The following MARCHF8 variants were observed in gnomAD, a reference collection of about 807,000 sequenced individuals.
The protein encoded by MARCHF8 is membrane associated ring-CH-type finger 8.
Under a neutral mutation model 51.6 loss-of-function variants are expected in MARCHF8, and 40 were observed. The ratio of observed to expected loss-of-function variants is 0.77; its 90% CI spans 0.60 to 1.01. The LOEUF is 1.01. Ranked by LOEUF, MARCHF8 falls within the 50% of genes least tolerant of loss-of-function variation. MARCHF8 has a pLI of 0.00. For missense variants in MARCHF8, 685 were observed against 708.6 expected (o/e 0.97, Z 0.38); for synonymous variants, 263 against 280.3 (o/e 0.94, Z 0.62).
chr10:45,476,518 T>C (rs577657022), intron 3 of MARCHF8, among the ~76,000 whole-genome samples: 33 of 152,322 alleles, frequency 2.2e-4, no homozygotes, highest in Middle Eastern at 3.4e-3. Context: ...CAGTTAGCTA[T>C]GATCGCACCA....
intron 1 of MARCHF8, among the ~76,000 whole-genome samples, chr10:45,546,402 A>G (rs1208717384): frequency 6.6e-6 from 1 of 152,050 alleles, no homozygotes; most frequent in East Asian, 1.9e-4. Context: ...ACCTCAGGCA[A>G]TCCGCCCGCC....
At chr10:45,504,509 T>A (rs901978647) in intron 2 of MARCHF8, among the ~76,000 whole-genome samples, 13 of 152,206 alleles carry the variant, frequency 8.5e-5, no homozygotes, top group Non-Finnish European at 1.6e-4. Context: ...CACCTTGTTT[T>A]TTCTCCAGTG....
intron 1 of MARCHF8, among the ~76,000 whole-genome samples, chr10:45,555,756 A>G (rs2044245585): frequency 6.7e-6 from 1 of 149,758 alleles, no homozygotes; most frequent in South Asian, 2.1e-4. Flanking sequence ...AAAAAAAAAA[A>G]AAGAAAAAGA....
intron 1 of MARCHF8, among the ~76,000 whole-genome samples, chr10:45,576,075 G>C (rs1365138606): frequency 6.6e-6 from 1 of 152,172 alleles, no homozygotes; most frequent in African/African-American, 2.4e-5. Flanking sequence ...TCTTCACAGG[G>C]ACATGAGTGA....
chr10:45,468,446 C>T (rs1430380833), intron 3 of MARCHF8, among the ~76,000 whole-genome samples: 1 of 152,210 alleles, frequency 6.6e-6, no homozygotes, highest in African/African-American at 2.4e-5. Flanking sequence ...TGTGCAACCC[C>T]CAACTGGGCC....
At chr10:45,474,692 G>C (rs1706284876) in intron 3 of MARCHF8, among the ~76,000 whole-genome samples, 1 of 152,208 alleles carries the variant, frequency 6.6e-6, no homozygotes, top group Non-Finnish European at 1.5e-5. Flanking sequence ...GGAAGAATCA[G>C]ACTTTGAATA....
chr10:45,484,825 C>A (rs1289303040), intron 3 of MARCHF8, among the ~76,000 whole-genome samples: 1 of 152,144 alleles, frequency 6.6e-6, no homozygotes, highest in Non-Finnish European at 1.5e-5. Context: ...AAGGTAGACA[C>A]CATACCTAGA....
chr10:45,464,396 T>C (rs1239734275), intron 3 of MARCHF8, 69 bp from the exon 4 acceptor site: 6 of 1,300,122 alleles, frequency 4.6e-6, no homozygotes, highest in Non-Finnish European at 5.6e-6. Context: ...GTCTCCTGAA[T>C]GGTGACAGGG....
chr10:45,565,867 T>C (rs2044358525), intron 1 of MARCHF8, among the ~76,000 whole-genome samples: 1 of 152,242 alleles, frequency 6.6e-6, no homozygotes, highest in African/African-American at 2.4e-5. Context: ...TCTTGTTTTA[T>C]ATGTGTTTTT....
intron 2 of MARCHF8, among the ~76,000 whole-genome samples, chr10:45,529,245 T>C (rs73287387): frequency 0.025 from 3,756 of 152,268 alleles, 159 homozygotes; most frequent in African/African-American, 0.085. Context: ...CTTGGGAGAA[T>C]TGGGTAACCA....
intron 2 of MARCHF8, among the ~76,000 whole-genome samples, chr10:45,508,336 A>G (rs868324659): frequency 3.4e-4 from 51 of 149,228 alleles, no homozygotes; most frequent in African/African-American, 1.1e-3. Flanking sequence ...TTCACAGTAA[A>G]AAAAAAAAAA....
At chr10:45,540,964 G>A (rs1269475743) in intron 1 of MARCHF8, among the ~76,000 whole-genome samples, 1 of 152,210 alleles carries the variant, frequency 6.6e-6, no homozygotes, top group Non-Finnish European at 1.5e-5. Context: ...CTTTTACACT[G>A]TTGGTGGGAC....
chr10:45,549,906 G>A (rs1435804431), intron 1 of MARCHF8, among the ~76,000 whole-genome samples: 1 of 152,188 alleles, frequency 6.6e-6, no homozygotes, highest in Non-Finnish European at 1.5e-5. Flanking sequence ...TTCCCAGGCT[G>A]CAGAACTGTA....
chr10:45,544,249 A>G lies in MARCHF8; in HGVS notation c.-78-10960T>C, dbSNP rs118136708. On this transcript the variant is annotated intron_variant, in intron 1 of 6. Transcript: ENST00000319836. ...CTAATTGTTTGATATAGAAAAAATT[A>G]GATCTCTCATGTATTGCTGGTGAGA... is the stretch of plus-strand genomic sequence containing the variant. Among the ~76,000 whole-genome samples, 65 of 152,378 alleles carry G rather than the reference A, an allele frequency of 4.3e-4. No homozygotes were observed. The East Asian group carries it at 0.012, about 28-fold the overall frequency.
At position 45,455,496 on chromosome 10, in the gene MARCHF8, TA is replaced by T. The variant is rs1842572939; in HGVS notation, c.*2742del. The T allele has an allele frequency of 6.6e-6, 1 of 150,590 alleles. No individual in the cohort carries two copies. The highest frequency in any genetic ancestry group is 2.0e-4 in the East Asian group (1 of 5,094). 9.3% of individuals were successfully genotyped at this position (150,590 alleles called of 1,614,324 possible). A position where few individuals can be genotyped will look rare whatever the true frequency, so the allele number is the denominator to read the frequency against. ...CCTGAGACCTCATTCTGGGTTTCTATATGGGTCAACCAAATGCCATCCTTTC... is the reference window on the plus strand; with the variant it reads ...CCTGAGACCTCATTCTGGGTTTCTATTGGGTCAACCAAATGCCATCCTTTC... On this transcript the variant is annotated 3_prime_UTR_variant, in exon 8 of 8. Transcript: ENST00000453424.
intron 1 of MARCHF8, among the ~76,000 whole-genome samples, chr10:45,592,042 G>A (rs907639268): frequency 6.6e-6 from 1 of 152,060 alleles, no homozygotes; most frequent in Non-Finnish European, 1.5e-5. Context: ...TCCTCTATCA[G>A]AAATTAGCAC....
rs550733048 is a variant in MARCHF8, at chr10:45,587,158, G to A, written c.-79+7077C>T. Among the ~76,000 whole-genome samples the A allele has an allele frequency of 3.9e-4, 59 of 152,192 alleles. 3 individuals are homozygous for A. The highest frequency in any genetic ancestry group is 3.4e-3 in the Middle Eastern group (1 of 294). Reference sequence around the variant, plus strand: ...AAAGCACATGAGTGGAAAGGAAGACGTAAAACTGTCTTTATTCAATGACTG... The same window carrying A: ...AAAGCACATGAGTGGAAAGGAAGACATAAAACTGTCTTTATTCAATGACTG... On this transcript the variant is annotated intron_variant, in intron 1 of 6. Coordinates refer to the MARCHF8 transcript ENST00000319836.
intron 1 of MARCHF8, among the ~76,000 whole-genome samples, chr10:45,575,285 C>T (rs1277497465): frequency 2.0e-5 from 3 of 152,172 alleles, no homozygotes; most frequent in Non-Finnish European, 4.4e-5. Context: ...GCCACTCCCA[C>T]CTACTCCCCC....
chr10:45,463,814 G>C lies in MARCHF8; in HGVS notation c.425C>G (p.Pro142Arg). The change falls in exon 5 of 8, where the codon CCT becomes CGT. Residue 142 changes from proline to arginine, a missense_variant. Pro to Arg is a moderately radical substitution (Grantham distance 103). Coordinates refer to ENST00000453424, the MANE Select transcript of MARCHF8 (RefSeq NM_001282866.2). Reference protein sequence around the residue: ...FGSEWAQALKPAKNTKARRTL... With the variant: ...FGSEWAQALKRAKNTKARRTL... ...TCTTCTGGCTTTGGTATTCTTAGCA[G>C]GCTTCAAGGCCTGGGCCCATTCTGA... The C allele has an allele frequency of 6.5e-7, 1 of 1,548,582 alleles. No homozygotes were observed. The highest frequency in any genetic ancestry group is 8.7e-7 in the Non-Finnish European group (1 of 1,147,076).
Sources: gnomAD v4.1 joint callset for allele counts (sites outside exome capture counted in the v4.1 genomes callset) on GRCh38, gnomAD v4.1.1 for gene constraint, MANE v1.5 for transcripts, NCBI Gene and HGNC (gene_info 2026-07-23, HGNC 2026-07-21) for gene names.